The following ANK3 variants were observed in gnomAD, a reference collection of about 807,000 sequenced individuals.
ANK3 encodes ankyrin 3.
ANK3 carries 57 observed loss-of-function variants against 370.9 expected under a neutral mutation model. The observed-to-expected ratio is 0.15, with a 90% CI of 0.12 to 0.19. The LOEUF (loss-of-function observed/expected upper bound fraction) is 0.19. Ranked by LOEUF, ANK3 falls within the 10% of genes least tolerant of loss-of-function variation. ANK3 has a pLI of 1.00. For synonymous variants in ANK3, 1,929 were observed against 1,946.3 expected, an observed-to-expected ratio of 0.99 and a Z score of 0.23; for missense variants, 4,439 against 5,302.1, an observed-to-expected ratio of 0.84 and a Z score of 5.06.
intron 8 of ANK3, among the ~76,000 whole-genome samples, chr10:60,229,877 G>T (rs1191678326): frequency 6.6e-6 from 1 of 152,196 alleles, no homozygotes; most frequent in Non-Finnish European, 1.5e-5. Flanking sequence ...ATGACCACGT[G>T]CATCTTAGAG....
chr10:60,197,112 C>A (rs2096598694), intron 14 of ANK3, among the ~76,000 whole-genome samples: 1 of 152,194 alleles, frequency 6.6e-6, no homozygotes, highest in South Asian at 2.1e-4. Context: ...TTTTCTTCTT[C>A]TTTCCCCGTT....
rs534377909 is a variant in ANK3, at chr10:60,328,238, A to T, written c.115-48599T>A. ...AATAGAAGTCTAAGTGACATTTTTA[A>T]TACCTTCAATCTCTCTTATTGAATT... On this transcript the variant is annotated intron_variant, in intron 1 of 43. Coordinates refer to ENST00000280772, the MANE Select transcript of ANK3 (RefSeq NM_020987.5). Among the ~76,000 whole-genome samples the T allele has an allele frequency of 2.0e-5, 3 of 152,328 alleles. No homozygotes were observed. The East Asian group carries it at 5.8e-4, about 29-fold the overall frequency.
rs775096980 is a variant in ANK3 at position 60,070,597 on chromosome 10, T to C, written c.10284A>G (p.Thr3428=). 1 of 1,614,166 alleles carries C rather than the reference T, an allele frequency of 6.2e-7. No homozygotes were observed. Residue 3428 remains threonine, a synonymous_variant, in exon 37 of 44, where the codon ACA becomes ACG. Transcript: ENST00000280772. This position sits in a 1 kb window ranked among gnomAD's most constrained non-coding sequence, Gnocchi z 5.7. ...GAATTGGGAGTTTAGAATCACTCTC[T>C]GTCAAGCCATCATCTTCATCTTGCA... is the stretch of plus-strand genomic sequence containing the variant. ...YDLQDEDDGL[T]ESDSKLPIQA...
intron 1 of ANK3, among the ~76,000 whole-genome samples, chr10:60,711,179 T>C (rs1373264053): frequency 6.6e-6 from 1 of 152,086 alleles, no homozygotes; most frequent in East Asian, 1.9e-4. Flanking sequence ...AGCAGAGAGA[T>C]GTAAACTCTA....
intron 21 of ANK3, among the ~76,000 whole-genome samples, chr10:60,170,156 A>C (rs1263619071): frequency 6.6e-6 from 1 of 152,264 alleles, no homozygotes; most frequent in Non-Finnish European, 1.5e-5. Flanking sequence ...CATCTTTTGA[A>C]TATCAGCTTC....
At chr10:60,452,778 T>C (rs1229020116) in intron 2 of ANK3, among the ~76,000 whole-genome samples, 2 of 152,242 alleles carry the variant, frequency 1.3e-5, no homozygotes, top group African/African-American at 4.8e-5. Flanking sequence ...TTACTTCTCA[T>C]TTGATTTCTC....
chr10:60,525,380 T>G (rs930299504), intron 2 of ANK3, among the ~76,000 whole-genome samples: 1 of 152,112 alleles, frequency 6.6e-6, no homozygotes, highest in African/African-American at 2.4e-5. Context: ...TAAGGTATAC[T>G]AGGAAAATTG....
At chr10:60,217,507 C>A (rs2096959262) in intron 8 of ANK3, among the ~76,000 whole-genome samples, 1 of 152,120 alleles carries the variant, frequency 6.6e-6, no homozygotes, top group Non-Finnish European at 1.5e-5. Context: ...GCCTTAATGT[C>A]ATAATGTTTA....
chr10:60,386,706 C>T (rs570631601), intron 1 of ANK3, among the ~76,000 whole-genome samples: 10 of 152,262 alleles, frequency 6.6e-5, no homozygotes, highest in African/African-American at 7.2e-5. Flanking sequence ...CCATACTATA[C>T]GATTCTGTGT....
At chr10:60,116,977 T>C (rs905878232) in intron 25 of ANK3, among the ~76,000 whole-genome samples, 7 of 151,980 alleles carry the variant, frequency 4.6e-5, no homozygotes, top group Non-Finnish European at 1.0e-4. Context: ...AGAGAAAAAA[T>C]GGTCACAGAT....
chr10:60,138,810 G>A, intron 24 of ANK3, 154 bp downstream of exon 24: 2 of 874,808 alleles, frequency 2.3e-6, no homozygotes, highest in Non-Finnish European at 3.4e-6. Flanking sequence ...GAAAATAGCA[G>A]AGCATGTGTA....
intron 2 of ANK3, among the ~76,000 whole-genome samples, chr10:60,420,324 A>G (rs989518723): frequency 6.6e-5 from 10 of 152,174 alleles, no homozygotes; most frequent in African/African-American, 2.4e-4. Context: ...TTATTGGGTC[A>G]TGTTTAAGGC....
chr10:60,479,745 T>C (rs7067886), intron 2 of ANK3, among the ~76,000 whole-genome samples: 35,051 of 151,628 alleles, frequency 0.23, 4,370 homozygotes, highest in East Asian at 0.48. Flanking sequence ...GCCAACTATG[T>C]TGGTCGAAAT....
intron 23 of ANK3, among the ~76,000 whole-genome samples, chr10:60,152,806 C>A (rs1021938983): frequency 2.6e-5 from 4 of 152,058 alleles, no homozygotes; most frequent in Admixed American, 2.6e-4. Flanking sequence ...TCCCACATCC[C>A]CCACCCCAAA....
intron 1 of ANK3, among the ~76,000 whole-genome samples, chr10:60,311,487 A>T (rs899986419): frequency 2.0e-5 from 3 of 151,968 alleles, no homozygotes; most frequent in Non-Finnish European, 2.9e-5. Context: ...AAAAAAAAAA[A>T]AAAAAAAAGA....
intron 1 of ANK3, among the ~76,000 whole-genome samples, chr10:60,700,168 A>G (rs1423906122): frequency 6.6e-6 from 1 of 152,168 alleles, no homozygotes; most frequent in African/African-American, 2.4e-5. Flanking sequence ...CTAAAGATAC[A>G]TGCATTAAAA....
At chr10:60,544,273 C>T (rs180793689) in intron 2 of ANK3, among the ~76,000 whole-genome samples, 369 of 152,138 alleles carry the variant, frequency 2.4e-3, no homozygotes, top group Non-Finnish European at 4.0e-3. Flanking sequence ...TGAGATAATA[C>T]CCTTTAACTC....
At chr10:60,273,435 A>G (rs1348852761) in intron 4 of ANK3, among the ~76,000 whole-genome samples, 1 of 152,112 alleles carries the variant, frequency 6.6e-6, no homozygotes, top group Non-Finnish European at 1.5e-5. Context: ...AACCCTTCCC[A>G]CTATCTAATT....
chr10:60,085,758 G>A (rs2086535202), intron 30 of ANK3, among the ~76,000 whole-genome samples: 1 of 152,192 alleles, frequency 6.6e-6, no homozygotes, highest in East Asian at 1.9e-4. Context: ...TGGGATTACA[G>A]GTGCCTGCGA....
Sources: allele counts gnomAD v4.1 joint callset (sites outside exome capture counted in the v4.1 genomes callset), GRCh38; gene constraint gnomAD v4.1.1; non-coding constraint Gnocchi (gnomAD v3.1); transcripts MANE v1.5; gene names NCBI Gene and HGNC (gene_info 2026-07-23, HGNC 2026-07-21).